CDH18: variants seen among roughly 807,000 people sequenced by gnomAD.
CDH18 encodes the protein cadherin-18.
A neutral mutation model predicts 67.9 loss-of-function variants in CDH18; 31 were observed. The ratio of observed to expected loss-of-function variants is 0.46; its 90% CI spans 0.34 to 0.62. CDH18 has a LOEUF of 0.62. Ranked by LOEUF, CDH18 falls within the 20% of genes least tolerant of loss-of-function variation. CDH18 has a pLI of 0.01. For missense variants in CDH18, 890 were observed against 975.5 expected (o/e 0.91, Z 1.17); for synonymous variants, 362 against 347.2 (o/e 1.04, Z -0.48).
At chr5:19,921,838 A>G (rs1280291481) in intron 2 of CDH18, among the ~76,000 whole-genome samples, 1 of 152,184 alleles carries the variant, frequency 6.6e-6, no homozygotes, top group Non-Finnish European at 1.5e-5. Context: ...AATTCTCATA[A>G]TTCTCCAGTT....
intron 1 of CDH18, among the ~76,000 whole-genome samples, chr5:20,500,611 A>G (rs1754197279): frequency 6.6e-6 from 1 of 152,114 alleles, no homozygotes; most frequent in African/African-American, 2.4e-5. Flanking sequence ...TCGGACATGC[A>G]CTGCTCCTTT....
At chr5:20,471,732 GC>G (rs1752090404) in intron 1 of CDH18, among the ~76,000 whole-genome samples, 1 of 148,640 alleles carries the variant, frequency 6.7e-6, no homozygotes, top group Non-Finnish European at 1.5e-5. Flanking sequence ...AACCCGGGAG[GC>G]GGAGGTTGCA....
chr5:20,068,084 C>T (rs1438608715), intron 2 of CDH18, among the ~76,000 whole-genome samples: 1 of 152,068 alleles, frequency 6.6e-6, no homozygotes, highest in Non-Finnish European at 1.5e-5. Flanking sequence ...GTGGACTCTA[C>T]ACTAAGTTCT....
chr5:19,538,188 C>A (rs760146597), intron 9 of CDH18, among the ~76,000 whole-genome samples: 1 of 152,088 alleles, frequency 6.6e-6, no homozygotes, highest in Non-Finnish European at 1.5e-5. Context: ...AATCTCATAG[C>A]CATTGGAGAA....
intron 2 of CDH18, among the ~76,000 whole-genome samples, chr5:20,248,892 A>G (rs138223298): frequency 2.0e-5 from 3 of 152,236 alleles, no homozygotes; most frequent in Admixed American, 6.5e-5. Context: ...TTACAAACAC[A>G]AATCACTTAC....
At chr5:20,200,413 C>T (rs1416574981) in intron 2 of CDH18, among the ~76,000 whole-genome samples, 1 of 152,126 alleles carries the variant, frequency 6.6e-6, no homozygotes, top group Non-Finnish European at 1.5e-5. Context: ...GTGGCTCACA[C>T]CTGTAATCCC....
chr5:20,021,127 T>A (rs1193593709), intron 2 of CDH18, among the ~76,000 whole-genome samples: 1 of 152,104 alleles, frequency 6.6e-6, no homozygotes, highest in East Asian at 1.9e-4. Flanking sequence ...GCATGGGGGC[T>A]TGTAGCTCCT....
chr5:20,475,778 A>G (rs1485271259), intron 1 of CDH18, among the ~76,000 whole-genome samples: 1 of 152,154 alleles, frequency 6.6e-6, no homozygotes, highest in Non-Finnish European at 1.5e-5. Context: ...TGCCCATTAC[A>G]TTAGAGAGGG....
intron 5 of CDH18, among the ~76,000 whole-genome samples, chr5:19,658,769 A>G (rs1355843087): frequency 6.6e-6 from 1 of 151,868 alleles, no homozygotes; most frequent in Non-Finnish European, 1.5e-5. Context: ...ATCATTTAAC[A>G]TTAGGTATAT....
intron 1 of CDH18, among the ~76,000 whole-genome samples, chr5:20,260,503 G>A (rs975398946): frequency 6.6e-6 from 1 of 152,080 alleles, no homozygotes. Flanking sequence ...AGCTGATGGT[G>A]TAATGGGATG....
At chr5:20,383,075 T>C (rs73058729) in intron 1 of CDH18, among the ~76,000 whole-genome samples, 8,630 of 152,220 alleles carry the variant, frequency 0.057, 784 homozygotes, top group African/African-American at 0.19. Context: ...AAAAAAACTC[T>C]TGTTAAATGC....
At chr5:19,848,036 GA>G (rs1432807141) in intron 2 of CDH18, 2 of 152,154 alleles carry the variant, frequency 1.3e-5, no homozygotes, top group Non-Finnish European at 2.9e-5. Flanking sequence ...GATAAGGGTA[GA>G]ATATTTGACA....
At chr5:20,060,268 C>T (rs1434015779) in intron 2 of CDH18, among the ~76,000 whole-genome samples, 8 of 151,990 alleles carry the variant, frequency 5.3e-5, no homozygotes, top group Admixed American at 1.3e-4. Flanking sequence ...AGTTCGGGAC[C>T]AGCCTAGCCA....
At chr5:20,028,658 A>G (rs1168311625) in intron 2 of CDH18, among the ~76,000 whole-genome samples, 2 of 152,172 alleles carry the variant, frequency 1.3e-5, no homozygotes, top group Non-Finnish European at 2.9e-5. Flanking sequence ...TTATACAATC[A>G]CTTTGTATTG....
intron 5 of CDH18, among the ~76,000 whole-genome samples, chr5:19,660,854 T>A (rs964894584): frequency 6.6e-6 from 1 of 152,026 alleles, no homozygotes. Context: ...GAGGCCTCAA[T>A]GTAGCCACCT....
At chr5:20,149,585 C>T (rs1750939291) in intron 2 of CDH18, among the ~76,000 whole-genome samples, 1 of 152,142 alleles carries the variant, frequency 6.6e-6, no homozygotes, top group Non-Finnish European at 1.5e-5. Flanking sequence ...GGGTTTCCTA[C>T]TGGAACCATT....
chr5:19,544,743 A>G (rs113163367), intron 8 of CDH18, among the ~76,000 whole-genome samples: 352 of 152,264 alleles, frequency 2.3e-3, no homozygotes, highest in South Asian at 8.1e-3. Context: ...GTCCTATGCC[A>G]CTGCCACAGG....
chr5:20,177,191 T>C (rs1033206819), intron 2 of CDH18, among the ~76,000 whole-genome samples: 7 of 152,114 alleles, frequency 4.6e-5, no homozygotes, highest in Admixed American at 2.6e-4. Context: ...TGCTGAAACA[T>C]ATTAAAAATG....
At chr5:19,811,925 A>T (rs181801407) in intron 3 of CDH18, among the ~76,000 whole-genome samples, 1 of 152,180 alleles carries the variant, frequency 6.6e-6, no homozygotes. Context: ...ACAATAAGGA[A>T]ATCAAACTGG....
Sources: gnomAD v4.1 joint callset for allele counts (sites outside exome capture counted in the v4.1 genomes callset) on GRCh38, gnomAD v4.1.1 for gene constraint, MANE v1.5 for transcripts, NCBI Gene and HGNC (gene_info 2026-07-23, HGNC 2026-07-21) for gene names.